Variants in MAP3K1 observed in about 807,000 individuals in gnomAD.
MAP3K1 encodes the protein mitogen-activated protein kinase kinase kinase 1.
In MAP3K1, 36 loss-of-function variants were observed where a neutral mutation model predicts 144.2. The ratio of observed to expected loss-of-function variants is 0.25; its 90% CI spans 0.19 to 0.33. The LOEUF (loss-of-function observed/expected upper bound fraction) is 0.33, where lower values mean the gene tolerates loss of function less well. Ranked by LOEUF, MAP3K1 falls within the 10% of genes least tolerant of loss-of-function variation. The pLI is 1.00. For missense variants in MAP3K1, 1,650 were observed against 1,881.9 expected (o/e 0.88, Z 2.28); for synonymous variants, 718 against 688.7 (o/e 1.04, Z -0.67).
Position 56,882,667 on chromosome 5 carries a change from T to C in MAP3K1, c.3467T>C (p.Leu1156Pro). 1 of 1,614,136 alleles carries C rather than the reference T, an allele frequency of 6.2e-7. No individual in the cohort carries two copies. The highest frequency in any genetic ancestry group is 8.5e-7 in the Non-Finnish European group (1 of 1,180,010). Residue 1156 changes from leucine to proline, a missense_variant, in exon 14 of 20, where the codon CTG (leucine) becomes CCG (proline). Leu to Pro is a moderately conservative substitution (Grantham distance 98). Transcript: ENST00000399503. ...ACTTTTAAGTCAGAAGTTGCTGTCCTGTCTCCTGAAAAGGCTGAAAATGAT... is the reference window on the plus strand; with the variant it reads ...ACTTTTAAGTCAGAAGTTGCTGTCCCGTCTCCTGAAAAGGCTGAAAATGAT... Reference protein sequence around the residue: ...TVTFKSEVAVLSPEKAENDDT... With the variant: ...TVTFKSEVAVPSPEKAENDDT...
chr5:56,883,695 G>A lies in MAP3K1; in HGVS notation c.3819+16G>A, dbSNP rs778031902. 12 of 1,613,086 alleles carry A rather than the reference G, an allele frequency of 7.4e-6. No homozygotes were observed. The highest frequency in any genetic ancestry group is 3.3e-4 in the Middle Eastern group (2 of 6,082). ...TGTTAAACAGGTAAATATCTAGTGA[G>A]CATATAAATGAAATGACTCAAATCA... On this transcript the variant is annotated intron_variant, in intron 15 of 19. Coordinates refer to ENST00000399503, the MANE Select transcript of MAP3K1 (RefSeq NM_005921.2).
Position 56,856,743 on chromosome 5 carries a change from G to A in MAP3K1, c.626G>A (p.Gly209Glu), listed in dbSNP as rs1747355256. 1 of 1,613,768 alleles carries A rather than the reference G, an allele frequency of 6.2e-7. No individual in the cohort carries two copies. Residue 209 changes from glycine to glutamate, a missense_variant, in exon 2 of 20, where the codon GGG (glycine) becomes GAG (glutamate). By Grantham distance (98) the Gly-to-Glu change is moderately conservative. This residue lies in a region of MAP3K1 where 148 missense variants were observed against 177.2 expected (regional missense o/e 0.84). Transcript: ENST00000399503. ...HEWLERRNRR[G>E]PVVVKPIPVK... is the part of the protein sequence containing the mutation. ...TGGTTGGAAAGGAGAAATAGGCGAG[G>A]GCCTGTGGTAAGTGGCTATGGGTTA...
rs1748691965 is a variant in MAP3K1, at chr5:56,895,990, A to AC, written c.*2310_*2311insC. The stretch of plus-strand genomic sequence containing the variant: ...AGCAAATGTTACAAAAAAAAAAAAA[A>AC]AAAATCTCTGGGTTAAGAAAATTTG... On this transcript the variant is annotated 3_prime_UTR_variant, in exon 20 of 20. Transcript: ENST00000399503. 1 of 229,828 alleles carries AC rather than the reference A, an allele frequency of 4.4e-6. No individual in the cohort carries two copies. The highest frequency in any genetic ancestry group is 8.6e-6 in the Non-Finnish European group (1 of 116,158). 14.2% of individuals were successfully genotyped at this position (229,828 alleles called of 1,614,324 possible). A position where few individuals can be genotyped will look rare whatever the true frequency, so the allele number is the denominator to read the frequency against.
At chr5:56,841,954 C>G (rs1232278167) in intron 1 of MAP3K1, 1 of 152,070 alleles carries the variant, frequency 6.6e-6, no homozygotes, top group Non-Finnish European at 1.5e-5. Flanking sequence ...TTCAAGCATA[C>G]AGAAAGATAC....
intron 5 of MAP3K1, 110 bp from the exon 6 acceptor site, chr5:56,865,719 C>T: frequency 5.2e-6 from 6 of 1,152,962 alleles, no homozygotes; most frequent in African/African-American, 1.6e-5. Flanking sequence ...GCTCTTAAAT[C>T]AACTTTATGA....
At position 56,882,109 on chromosome 5, in the gene MAP3K1, C is replaced by G. The variant is rs1275411238; in HGVS notation, c.2909C>G (p.Ser970Cys). 6.2e-7 allele frequency: 1 copy of G among 1,614,108 alleles called. No individual in the cohort carries two copies. The change falls in exon 14 of 20, where the codon TCT (serine) becomes TGT (cysteine). Residue 970 changes from serine to cysteine, a missense_variant. Ser to Cys is a moderately radical substitution (Grantham distance 112). Around this residue, in one of 6 missense-constraint regions of MAP3K1, gnomAD observed 841 missense variants for 886.5 expected, o/e 0.95. Transcript: ENST00000399503. ...CCCCACAGTCAGTGTTTGAACTCCT[C>G]TCCTTTATCTCATCATTCCCAATTA... is the stretch of plus-strand genomic sequence containing the variant. ...GRPHSQCLNSSPLSHHSQLMF... is the reference protein window; with the variant it reads ...GRPHSQCLNSCPLSHHSQLMF...
In MAP3K1 at chr5:56,882,022, C is replaced by T. The variant is rs1374895181; in HGVS notation, c.2822C>T (p.Ser941Leu). 1 of 69,094 alleles carries T rather than the reference C, an allele frequency of 1.4e-5. No individual in the cohort carries two copies. The highest frequency in any genetic ancestry group is 1.1e-4 in the Admixed American group (1 of 8,710). 4.3% of individuals were successfully genotyped at this position (69,094 alleles called of 1,614,324 possible). ...LASISVGPSS[S>L]TTTTTTTTEQ... ...AGCATTTCAGTAGGACCTTCTAGTT[C>T]AACAACAACAACAACAACAACAACA... Residue 941 changes from serine (S) to leucine (L), a missense_variant, in exon 14 of 20, where the codon TCA becomes TTA. This residue lies in a region of MAP3K1 where 841 missense variants were observed against 886.5 expected (regional missense o/e 0.95). Transcript: ENST00000399503.
chr5:56,887,191 C>G (rs1253390601), intron 17 of MAP3K1, among the ~76,000 whole-genome samples, 187 bp from the exon 18 acceptor site: 1 of 152,206 alleles, frequency 6.6e-6, no homozygotes, highest in Non-Finnish European at 1.5e-5. Context: ...TTAGCGTACG[C>G]TAGAGAGAGC....
chr5:56,865,682 A>G, intron 5 of MAP3K1, 147 bp from the exon 6 acceptor site: 1 of 923,674 alleles, frequency 1.1e-6, no homozygotes, highest in Non-Finnish European at 1.7e-6. Context: ...TCCTTAGTAA[A>G]AACTATAATG....
In MAP3K1 at chr5:56,895,701, G is replaced by C; in HGVS notation, c.*2021G>C. 4.3e-6 allele frequency: 1 copy of C among 232,268 alleles called. No individual in the cohort carries two copies. The highest frequency in any genetic ancestry group is 8.5e-6 in the Non-Finnish European group (1 of 117,474). 14.4% of individuals were successfully genotyped at this position (232,268 alleles called of 1,614,324 possible). The stretch of plus-strand genomic sequence containing the variant: ...TTTGTTTTGTTTTCAATGCAAATGT[G>C]ATGTAATATTCTTATTTTCTTTGGA... On this transcript the variant is annotated 3_prime_UTR_variant, in exon 20 of 20. Transcript: ENST00000399503.
intron 10 of MAP3K1, among the ~76,000 whole-genome samples, chr5:56,877,520 A>ATT (rs35084924): frequency 1.5e-5 from 2 of 136,418 alleles, no homozygotes; most frequent in Non-Finnish European, 3.2e-5. Flanking sequence ...TGCATATATA[A>ATT]TTTTTTTTTT....
At chr5:56,873,095 A>C (rs1747909862) in intron 9 of MAP3K1, 90 bp downstream of exon 9, 1 of 1,269,088 alleles carries the variant, frequency 7.9e-7, no homozygotes, top group Non-Finnish European at 1.1e-6. Context: ...TCATAATTTA[A>C]AAAAACACTT....
intron 1 of MAP3K1, among the ~76,000 whole-genome samples, chr5:56,835,946 T>A (rs192085554): frequency 6.6e-6 from 1 of 152,294 alleles, no homozygotes; most frequent in African/African-American, 2.4e-5. Context: ...TTGTTTAAAT[T>A]GTAGCTTGTG....
In MAP3K1 at chr5:56,885,918, C is replaced by A. The variant is rs761190982; in HGVS notation, c.3983-14C>A. 2 of 1,610,188 alleles carry A rather than the reference C, an allele frequency of 1.2e-6. No individual in the cohort carries two copies. ...TGTCTTAAGTTTATGATAATTATTTCTATTGTCTTATAGGGGGATCGGTGG... is the reference window on the plus strand; with the variant it reads ...TGTCTTAAGTTTATGATAATTATTTATATTGTCTTATAGGGGGATCGGTGG... On this transcript the variant is annotated splice_polypyrimidine_tract_variant and intron_variant, in intron 16 of 19. Coordinates refer to ENST00000399503, the MANE Select transcript of MAP3K1 (RefSeq NM_005921.2).
At chr5:56,850,662 T>C (rs960734608) in intron 1 of MAP3K1, among the ~76,000 whole-genome samples, 1 of 152,164 alleles carries the variant, frequency 6.6e-6, no homozygotes, top group African/African-American at 2.4e-5. Flanking sequence ...GGGGTTTGAA[T>C]CTGGCCCTGC....
chr5:56,841,313 A>T (rs1274671421), intron 1 of MAP3K1, among the ~76,000 whole-genome samples: 1 of 152,016 alleles, frequency 6.6e-6, no homozygotes, highest in Non-Finnish European at 1.5e-5. Context: ...GAACTTTCTG[A>T]GAGCTTTGAT....
Position 56,884,682 on chromosome 5 carries a change from A to C in MAP3K1, c.3838A>C (p.Thr1280Pro). 1 of 1,613,866 alleles carries C rather than the reference A, an allele frequency of 6.2e-7. No homozygotes were observed. The highest frequency in any genetic ancestry group is 1.1e-5 in the South Asian group (1 of 91,072). Residue 1280 changes from threonine (T) to proline (P), a missense_variant, in exon 16 of 20, where the codon ACA becomes CCA. Thr to Pro is a conservative substitution (Grantham distance 38, BLOSUM62 -1). Around this residue, in one of 6 missense-constraint regions of MAP3K1, gnomAD observed 165 missense variants for 322.9 expected, o/e 0.51. Coordinates refer to ENST00000399503, the MANE Select transcript of MAP3K1 (RefSeq NM_005921.2). ...AVKQVTYVRN[T>P]SSEQEEVVEA... ...GAAACAGGTGACTTATGTCAGAAAC[A>C]CATCTTCTGAGCAAGAAGAAGTAGT...
intron 1 of MAP3K1, among the ~76,000 whole-genome samples, chr5:56,855,362 T>A (rs1398377713): frequency 6.6e-6 from 1 of 152,218 alleles, no homozygotes; most frequent in Non-Finnish European, 1.5e-5. Flanking sequence ...TGTATGTGTG[T>A]GTAAGGAAAT....
intron 1 of MAP3K1, among the ~76,000 whole-genome samples, chr5:56,825,515 G>A (rs964326580): frequency 6.6e-6 from 1 of 152,164 alleles, no homozygotes; most frequent in Non-Finnish European, 1.5e-5. Flanking sequence ...CCTCCAGGAG[G>A]GACCCCTCTG....
Sources: allele counts gnomAD v4.1 joint callset (sites outside exome capture counted in the v4.1 genomes callset), GRCh38; gene constraint gnomAD v4.1.1; regional missense constraint gnomAD v4.1.1; transcripts MANE v1.5; gene names NCBI Gene and HGNC (gene_info 2026-07-23, HGNC 2026-07-21).